LNX2: variants seen among roughly 807,000 people sequenced by gnomAD.
The protein encoded by LNX2 is ligand of numb-protein X 2, also known as ligand of Numb protein X 2.
Under a neutral mutation model 66.2 loss-of-function variants are expected in LNX2, and 35 were observed. The observed-to-expected ratio is 0.53, with a 90% CI of 0.40 to 0.70. The LOEUF (loss-of-function observed/expected upper bound fraction) is 0.70. Among genes scored for constraint, LNX2 ranks in the 30% least tolerant of loss-of-function variants. LNX2 has a pLI of 0.00. For synonymous variants in LNX2, 337 were observed against 315.6 expected (o/e 1.07, Z -0.72); for missense variants, 791 against 850.8 (o/e 0.93, Z 0.87).
intron 1 of LNX2, among the ~76,000 whole-genome samples, chr13:27,588,146 T>C (rs904832422): frequency 1.3e-5 from 2 of 150,226 alleles, no homozygotes; most frequent in Admixed American, 6.7e-5. Flanking sequence ...TACCATATAA[T>C]CCAGCAACTA....
rs540826918 is a variant in LNX2, at chr13:27,611,686, T to C, written c.-101+8689A>G. Reference sequence around the variant, plus strand: ...TACTTCAACCACTGAAAATTCAGCATCCAAACTGAGATATACTGTCTAAGT... The same window carrying C: ...TACTTCAACCACTGAAAATTCAGCACCCAAACTGAGATATACTGTCTAAGT... On this transcript the variant is annotated intron_variant, in intron 1 of 9. Coordinates refer to ENST00000316334, the MANE Select transcript of LNX2 (RefSeq NM_153371.4). 1.1e-4 allele frequency among the ~76,000 whole-genome samples: 16 copies of C among 152,042 alleles called. No individual in the cohort carries two copies. The East Asian group carries it at 1.9e-3, about 18-fold the overall frequency.
chr13:27,609,113 A>G (rs1955748381), intron 1 of LNX2, among the ~76,000 whole-genome samples: 1 of 146,524 alleles, frequency 6.8e-6, no homozygotes, highest in Middle Eastern at 3.9e-3. Flanking sequence ...TAACAGAATC[A>G]TTTTCTTTTC....
At position 27,562,532 on chromosome 13, in the gene LNX2, G is replaced by T; in HGVS notation, c.1105C>A (p.Leu369Met). Residue 369 changes from leucine (L) to methionine (M), a missense_variant, in exon 5 of 10, where the codon CTG (leucine) becomes ATG (methionine). By Grantham distance (15) the Leu-to-Met change is conservative. Coordinates refer to ENST00000316334, the MANE Select transcript of LNX2 (RefSeq NM_153371.4). The stretch of plus-strand genomic sequence containing the variant: ...TGGGCAGCCAACCCCCCTTCCAACA[G>T]GTCAAGAATAAAAACCCCTGGCTCA... ...TDEPGVFILD[L>M]LEGGLAAQDG... is the part of the protein sequence containing the mutation. 6.2e-7 allele frequency: 1 copy of T among 1,614,090 alleles called. No homozygotes were observed. The highest frequency in any genetic ancestry group is 8.5e-7 in the Non-Finnish European group (1 of 1,180,016).
At chr13:27,578,604 T>C (rs1955365714) in intron 2 of LNX2, among the ~76,000 whole-genome samples, 1 of 152,202 alleles carries the variant, frequency 6.6e-6, no homozygotes, top group African/African-American at 2.4e-5. Flanking sequence ...CTAGATCATA[T>C]GAGGCCATGC....
At chr13:27,553,174 G>C in intron 8 of LNX2, 34 bp downstream of exon 8, 1 of 1,553,524 alleles carries the variant, frequency 6.4e-7, no homozygotes, top group Admixed American at 1.7e-5. Context: ...GCATGATTAT[G>C]ATTTCCATAA....
rs187735296 is a variant in LNX2 at position 27,579,546 on chromosome 13, T to C, written c.407+1751A>G. ...GGCAGTTTGCAATTACCAAGGTTTT[T>C]TACATTCTCATTATAAATGGTTTGA... On this transcript the variant is annotated intron_variant, in intron 2 of 9. Coordinates refer to ENST00000316334, the MANE Select transcript of LNX2 (RefSeq NM_153371.4). 8.5e-5 allele frequency among the ~76,000 whole-genome samples: 13 copies of C among 152,338 alleles called. No individual in the cohort carries two copies. The East Asian group carries it at 1.9e-3, about 23-fold the overall frequency.
At chr13:27,568,575 A>G (rs1024730037) in intron 3 of LNX2, among the ~76,000 whole-genome samples, 1 of 152,230 alleles carries the variant, frequency 6.6e-6, no homozygotes, top group African/African-American at 2.4e-5. Context: ...CTTGTTTAAA[A>G]AAAAAACAAA....
chr13:27,583,637 T>G (rs1480510312), intron 1 of LNX2, among the ~76,000 whole-genome samples: 1 of 152,056 alleles, frequency 6.6e-6, no homozygotes, highest in Admixed American at 6.5e-5. Flanking sequence ...ACGGTTTCCA[T>G]CTTTCTACTG....
At chr13:27,590,933 G>A (rs971928273) in intron 1 of LNX2, among the ~76,000 whole-genome samples, 2 of 152,036 alleles carry the variant, frequency 1.3e-5, no homozygotes, top group Admixed American at 1.3e-4. Flanking sequence ...TGTTCAATTT[G>A]CTCTACTTAT....
intron 1 of LNX2, among the ~76,000 whole-genome samples, chr13:27,585,010 TAGG>T (rs1465219068): frequency 6.6e-6 from 1 of 150,884 alleles, no homozygotes; most frequent in Non-Finnish European, 1.5e-5. Flanking sequence ...CCCAACTACT[TAGG>T]AGGCTGAGAC....
chr13:27,583,169 AGTGTGTGTGTGTGTGTGTGTGT>A (rs763165039), intron 1 of LNX2, among the ~76,000 whole-genome samples: 601 of 44,110 alleles, frequency 0.014, 84 homozygotes, highest in Non-Finnish European at 0.014. Context: ...TCAGAGCAGC[AGTGTGTGTGTGTGTGTGTGTGT>A]GTGTGTGTGT....
chr13:27,608,161 T>C (rs1320056986), intron 1 of LNX2, among the ~76,000 whole-genome samples: 1 of 152,236 alleles, frequency 6.6e-6, no homozygotes, highest in African/African-American at 2.4e-5. Context: ...TATTCAGTTA[T>C]CTTAGGACCT....
At chr13:27,569,007 C>G (rs747053772) in intron 3 of LNX2, 22 bp downstream of exon 3, 1 of 1,584,488 alleles carries the variant, frequency 6.3e-7, no homozygotes, top group Non-Finnish European at 8.6e-7. Flanking sequence ...ATGAAATACA[C>G]AAGGAGTTGC....
At chr13:27,615,864 C>G (rs915285617) in intron 1 of LNX2, among the ~76,000 whole-genome samples, 3 of 152,092 alleles carry the variant, frequency 2.0e-5, no homozygotes, top group Non-Finnish European at 4.4e-5. Context: ...ATGACTGTTT[C>G]AAAGATTTGG....
At chr13:27,568,854 G>T (rs147605215) in intron 3 of LNX2, among the ~76,000 whole-genome samples, 175 bp downstream of exon 3, 1 of 152,266 alleles carries the variant, frequency 6.6e-6, no homozygotes, top group East Asian at 1.9e-4. Context: ...TGTTAGAATT[G>T]TACAATGAAA....
chr13:27,607,194 T>C (rs1955726231), intron 1 of LNX2, among the ~76,000 whole-genome samples: 1 of 152,220 alleles, frequency 6.6e-6, no homozygotes, highest in South Asian at 2.1e-4. Flanking sequence ...TAAGAATCAA[T>C]TTAACATTCA....
intron 1 of LNX2, among the ~76,000 whole-genome samples, chr13:27,608,534 T>C (rs1473195035): frequency 6.6e-6 from 1 of 152,206 alleles, no homozygotes; most frequent in Non-Finnish European, 1.5e-5. Context: ...ATTTTAAAAA[T>C]ATACACTGCG....
At chr13:27,600,025 T>C (rs756634021) in intron 1 of LNX2, among the ~76,000 whole-genome samples, 2 of 152,194 alleles carry the variant, frequency 1.3e-5, no homozygotes, top group African/African-American at 2.4e-5. Context: ...TTAGCCAGCA[T>C]GGCACATAAC....
Position 27,594,690 on chromosome 13 carries a change from ATCCGC to A in LNX2, c.-100-12892_-100-12888del, listed in dbSNP as rs1423619154. ...CTAGGTCTTTATTCCCCTCTAAATG[ATCCGC>A]TTCCTCAAGGCACGCCTATATTCCC... On this transcript the variant is annotated intron_variant, in intron 1 of 9. Transcript: ENST00000316334. 8.6e-5 allele frequency among the ~76,000 whole-genome samples: 13 copies of A among 152,040 alleles called. No homozygotes were observed. In the East Asian group the frequency reaches 2.5e-3, roughly 29 times the overall value.
Sources: gnomAD v4.1 joint callset for allele counts (sites outside exome capture counted in the v4.1 genomes callset) on GRCh38, gnomAD v4.1.1 for gene constraint, MANE v1.5 for transcripts, NCBI Gene and HGNC (gene_info 2026-07-23, HGNC 2026-07-21) for gene names.